Variants in COL18A1 observed in about 807,000 individuals in gnomAD.
COL18A1 encodes the protein collagen alpha-1(XVIII) chain.
A neutral mutation model predicts 168.0 loss-of-function variants in COL18A1; 133 were observed. The ratio of observed to expected loss-of-function variants is 0.79; its 90% CI spans 0.69 to 0.91. The LOEUF is 0.91. COL18A1 is among the 40% of genes least tolerant of loss of function. The probability of loss-of-function intolerance (pLI) is 0.00; values close to 1 mark genes in which losing one functional copy is unlikely to be tolerated. For synonymous variants in COL18A1, 949 were observed against 809.0 expected (o/e 1.17, Z -2.94); for missense variants, 2,126 against 1,925.4 (o/e 1.10, Z -1.95).
rs561316783 is a variant in COL18A1 at position 45,498,979 on chromosome 21, G to A, written c.2683+1318G>A. On this transcript the variant is annotated intron_variant, in intron 32 of 41. Coordinates refer to ENST00000651438, the MANE Select transcript of COL18A1 (RefSeq NM_001379500.1). The surrounding 1 kb of genome is among the most constrained non-coding windows in gnomAD (Gnocchi z 4.5). Reference sequence around the variant, plus strand: ...ATTGCTTGTCCCTGGGAGCCAGAACGAGGGCTCCGAGGGCTCTAGAGGGAA... The same window carrying A: ...ATTGCTTGTCCCTGGGAGCCAGAACAAGGGCTCCGAGGGCTCTAGAGGGAA... 3.9e-5 allele frequency among the ~76,000 whole-genome samples: 6 copies of A among 152,264 alleles called. No individual in the cohort carries two copies. Among genetic ancestry groups the A allele is most frequent in the South Asian group, 2.1e-4 (1 of 4,818 alleles).
intron 2 of COL18A1, among the ~76,000 whole-genome samples, chr21:45,427,694 G>C (rs1288866958): frequency 2.0e-5 from 3 of 152,210 alleles, no homozygotes; most frequent in African/African-American, 7.2e-5. Context: ...GTGAGGGGTG[G>C]CCAGTGCTCT....
intron 3 of COL18A1, 21 bp downstream of exon 3, chr21:45,468,807 G>T (rs1049610416): frequency 1.3e-6 from 2 of 1,563,182 alleles, no homozygotes; most frequent in Non-Finnish European, 1.7e-6. Flanking sequence ...CTGTGCCGTC[G>T]CTGGGGGACT....
chr21:45,455,382 T>C (rs976552054), intron 2 of COL18A1: 28 of 1,142,366 alleles, frequency 2.5e-5, no homozygotes, highest in Non-Finnish European at 3.4e-5. Flanking sequence ...TGGTGCCTTC[T>C]TTCCTTCTGC....
intron 2 of COL18A1, among the ~76,000 whole-genome samples, chr21:45,437,245 TACACACAC>T (rs372338269): frequency 1.9e-5 from 1 of 51,368 alleles, no homozygotes; most frequent in African/African-American, 1.1e-4. Flanking sequence ...CACTCTCCTG[TACACACAC>T]ACACTCACAC....
At position 45,510,109 on chromosome 21, in the gene COL18A1, G is replaced by A. The variant is rs777150540; in HGVS notation, c.3541G>A (p.Gly1181Ser). ...CAGCCCCCTGTCAGGCGGCATGCGG[G>A]GCATCCGCGGGGCCGACTTCCAGTG... ...LNSPLSGGMR[G>S]IRGADFQCFQ... The change falls in exon 40 of 42, where the codon GGC becomes AGC. Residue 1181 changes from glycine (G) to serine (S), a missense_variant. Transcript: ENST00000651438. 2.5e-6 allele frequency: 4 copies of A among 1,594,410 alleles called. No homozygotes were observed. Among genetic ancestry groups the A allele is most frequent in the East Asian group, 4.6e-5 (2 of 43,768 alleles).
chr21:45,497,076 G>T lies in COL18A1; in HGVS notation c.2604G>T (p.Gly868=), dbSNP rs778885304. 10 of 1,599,530 alleles carry T rather than the reference G, an allele frequency of 6.3e-6. No homozygotes were observed. The highest frequency in any genetic ancestry group is 8.5e-6 in the Non-Finnish European group (10 of 1,173,752). The change falls in exon 31 of 42, where the codon GGG becomes GGT. Residue 868 remains glycine, a synonymous_variant. Transcript: ENST00000651438. ...TGTTTGCTGAGTCCAGCCGCCCCGG[G>T]CCTCCAGGATTGCCAGGTGAGGGTC... is the stretch of plus-strand genomic sequence containing the variant. ...SNVFAESSRP[G]PPGLPGNQGP... is the part of the protein sequence containing the mutation.
At chr21:45,509,303 A>C in intron 38 of COL18A1, 53 bp from the exon 39 acceptor site, 1 of 1,534,614 alleles carries the variant, frequency 6.5e-7, no homozygotes, top group East Asian at 2.4e-5. Flanking sequence ...CAGATGGAGG[A>C]GGGGCACCCG....
intron 12 of COL18A1, 57 bp from the exon 13 acceptor site, chr21:45,480,643 G>A (rs1027822060): frequency 1.2e-6 from 2 of 1,611,358 alleles, no homozygotes; most frequent in African/African-American, 1.3e-5. Flanking sequence ...TGGGGGTGGT[G>A]GTCATCCCTG....
At chr21:45,476,918 GTT>G (rs539149670) in intron 6 of COL18A1, among the ~76,000 whole-genome samples, 1 of 124,924 alleles carries the variant, frequency 8.0e-6, no homozygotes, top group Non-Finnish European at 1.6e-5. Flanking sequence ...TGTATTATGT[GTT>G]TTGTGTGTGT....
chr21:45,483,134 C>T (rs1001659444), intron 15 of COL18A1, among the ~76,000 whole-genome samples: 3 of 152,236 alleles, frequency 2.0e-5, no homozygotes, highest in Admixed American at 1.3e-4. Context: ...GTGTGGCAAG[C>T]GCGATAAAGC....
At chr21:45,454,991 G>A (rs1040181949) in intron 2 of COL18A1, among the ~76,000 whole-genome samples, 7 of 152,234 alleles carry the variant, frequency 4.6e-5, no homozygotes, top group South Asian at 2.1e-4. Context: ...GACCCTCCCC[G>A]GGATGTTTAA....
At chr21:45,412,210 G>C (rs2033317908) in intron 2 of COL18A1, among the ~76,000 whole-genome samples, 1 of 148,870 alleles carries the variant, frequency 6.7e-6, no homozygotes, top group Middle Eastern at 3.2e-3. Flanking sequence ...CTGGGGGTAT[G>C]ATATTTCTTT....
intron 25 of COL18A1, 74 bp from the exon 26 acceptor site, chr21:45,493,427 G>C: frequency 1.4e-6 from 2 of 1,427,682 alleles, no homozygotes; most frequent in South Asian, 2.5e-5. Context: ...CAGCGGCCCT[G>C]CCTTCGGGGC....
At chr21:45,503,585 A>T in intron 32 of COL18A1, among the ~76,000 whole-genome samples, 1 of 139,974 alleles carries the variant, frequency 7.1e-6, no homozygotes, top group Middle Eastern at 3.4e-3. Flanking sequence ...GAACTGAACA[A>T]TGAGATCACA....
intron 29 of COL18A1, 177 bp downstream of exon 29, chr21:45,495,609 C>A: frequency 1.6e-6 from 1 of 629,064 alleles, no homozygotes; most frequent in African/African-American, 1.8e-5. Context: ...TCCACACACG[C>A]ACACGTGTGC....
At chr21:45,426,442 G>A (rs574660148) in intron 2 of COL18A1, among the ~76,000 whole-genome samples, 3 of 152,264 alleles carry the variant, frequency 2.0e-5, no homozygotes, top group East Asian at 3.9e-4. Flanking sequence ...CTGGTTCAGC[G>A]TGGCGAGGCT....
intron 22 of COL18A1, among the ~76,000 whole-genome samples, chr21:45,491,937 CAGAG>C (rs10577123): frequency 0.26 from 39,882 of 151,908 alleles, 6,224 homozygotes; most frequent in African/African-American, 0.43. Flanking sequence ...CAGATCCCTG[CAGAG>C]TTCTCTGTGG....
Position 45,491,244 on chromosome 21 carries a change from G to A in COL18A1, c.2087G>A (p.Gly696Glu). The change falls in exon 22 of 42, where the codon GGA becomes GAA. Residue 696 changes from glycine to glutamate, a missense_variant. Coordinates refer to ENST00000651438, the MANE Select transcript of COL18A1 (RefSeq NM_001379500.1). ...RGEKGDPGKD[G>E]VGQPGLPGPP... Reference sequence around the variant, plus strand: ...TTCCAGGGAGATCCAGGGAAGGACGGAGTCGGGCAGCCGGGCCTCCCTGGC... The same window carrying A: ...TTCCAGGGAGATCCAGGGAAGGACGAAGTCGGGCAGCCGGGCCTCCCTGGC... The A allele has an allele frequency of 1.2e-6, 2 of 1,612,458 alleles. No homozygotes were observed. Among genetic ancestry groups the A allele is most frequent in the Non-Finnish European group, 1.7e-6 (2 of 1,179,704 alleles).
At chr21:45,459,964 C>T (rs76035781) in intron 2 of COL18A1, among the ~76,000 whole-genome samples, 4,232 of 152,268 alleles carry the variant, frequency 0.028, 207 homozygotes, top group African/African-American at 0.096. Context: ...TCTCACAAAC[C>T]CTGGCCCCTG....
Sources: allele counts gnomAD v4.1 joint callset (sites outside exome capture counted in the v4.1 genomes callset), GRCh38; gene constraint gnomAD v4.1.1; non-coding constraint Gnocchi (gnomAD v3.1); transcripts MANE v1.5; gene names NCBI Gene and HGNC (gene_info 2026-07-23, HGNC 2026-07-21).